The following THSD7A variants were observed in gnomAD, a reference collection of about 807,000 sequenced individuals.
THSD7A encodes thrombospondin type 1 domain containing 7A.
THSD7A carries 96 observed loss-of-function variants against 231.3 expected under a neutral mutation model. The ratio of observed to expected loss-of-function variants is 0.41; its 90% confidence interval spans 0.35 to 0.49. The LOEUF is 0.49. Among genes scored for constraint, THSD7A ranks in the 20% least tolerant of loss-of-function variants. The pLI, the probability that THSD7A is intolerant of heterozygous loss-of-function variation, is 0.05. For synonymous variants in THSD7A, 940 were observed against 743.3 expected, an observed-to-expected ratio of 1.26 and a Z score of -4.30; for missense variants, 2,290 against 2,070.2, an observed-to-expected ratio of 1.11 and a Z score of -2.06.
At chr7:11,500,908 T>A (rs1332370693) in intron 6 of THSD7A, among the ~76,000 whole-genome samples, 1 of 147,728 alleles carries the variant, frequency 6.8e-6, no homozygotes, top group African/African-American at 2.5e-5. Flanking sequence ...CACTCCAGCC[T>A]GGGTGACAGA....
intron 2 of THSD7A, among the ~76,000 whole-genome samples, chr7:11,629,647 T>C (rs1245609721): frequency 6.6e-6 from 1 of 152,174 alleles, no homozygotes; most frequent in Non-Finnish European, 1.5e-5. Flanking sequence ...TCAGGAACCA[T>C]ATAGCTCATC....
intron 2 of THSD7A, among the ~76,000 whole-genome samples, chr7:11,598,070 C>T (rs1257082849): frequency 6.6e-6 from 1 of 152,214 alleles, no homozygotes; most frequent in Non-Finnish European, 1.5e-5. Context: ...CCCTCAAGGA[C>T]AGCAGTGAAG....
rs187747286 is a variant in THSD7A, at chr7:11,638,332, T to C, written c.191-1371A>G. 5.5e-4 allele frequency among the ~76,000 whole-genome samples: 84 copies of C among 152,364 alleles called. 1 individual carries two copies. The highest frequency in any genetic ancestry group is 4.6e-3 in the East Asian group (24 of 5,184). The stretch of plus-strand genomic sequence containing the variant: ...ACCATTCTGGATTTTAGATTCCAGT[T>C]CCAACTTTTAGTTGTATGATTTCTC... On this transcript the variant is annotated intron_variant, in intron 1 of 27. Transcript: ENST00000423059.
chr7:11,567,587 C>G (rs1583990257), intron 4 of THSD7A, among the ~76,000 whole-genome samples: 1 of 152,166 alleles, frequency 6.6e-6, no homozygotes, highest in South Asian at 2.1e-4. Context: ...TAACTGGAAT[C>G]ACCTGGAGAG....
chr7:11,645,494 T>C (rs1782245285), intron 1 of THSD7A, among the ~76,000 whole-genome samples: 1 of 151,696 alleles, frequency 6.6e-6, no homozygotes, highest in Admixed American at 6.6e-5. Flanking sequence ...TCTTATAGAT[T>C]TATTTTATTT....
intron 1 of THSD7A, among the ~76,000 whole-genome samples, chr7:11,788,706 A>AAATAACTGT (rs1783862857): frequency 6.6e-6 from 1 of 152,000 alleles, no homozygotes; most frequent in Non-Finnish European, 1.5e-5. Context: ...GACTGCTTTT[A>AAATAACTGT]TTCAAATTTC....
chr7:11,704,009 C>G (rs530231612), intron 1 of THSD7A, among the ~76,000 whole-genome samples: 46 of 151,280 alleles, frequency 3.0e-4, no homozygotes, highest in Non-Finnish European at 6.1e-4. Flanking sequence ...ATTAGATTAT[C>G]ACTTAATTAG....
chr7:11,816,015 C>A (rs561078082), intron 1 of THSD7A, among the ~76,000 whole-genome samples: 1 of 152,174 alleles, frequency 6.6e-6, no homozygotes, highest in African/African-American at 2.4e-5. Context: ...AACTGCTTAT[C>A]TTTCAAACTT....
rs914579975 is a variant in THSD7A at position 11,444,708 on chromosome 7, A to G, written c.3064+1353T>C. 2.0e-5 allele frequency among the ~76,000 whole-genome samples: 3 copies of G among 151,554 alleles called. No homozygotes were observed. The highest frequency in any genetic ancestry group is 4.4e-5 in the Non-Finnish European group (3 of 67,906). On this transcript the variant is annotated intron_variant, in intron 13 of 27. Transcript: ENST00000423059. This position sits in a 1 kb window ranked among gnomAD's most constrained non-coding sequence, Gnocchi z 4.2. ...TGGTACGTGTATACCTATGTTGCAAACCTGCACTTTCTGTACATGTATCCC... is the reference window on the plus strand; with the variant it reads ...TGGTACGTGTATACCTATGTTGCAAGCCTGCACTTTCTGTACATGTATCCC...
intron 13 of THSD7A, among the ~76,000 whole-genome samples, chr7:11,441,803 G>A (rs1207595114): frequency 6.6e-6 from 1 of 151,902 alleles, no homozygotes. Context: ...CAGAAGGGAG[G>A]GGAACATCAC....
chr7:11,721,356 G>C (rs771181909), intron 1 of THSD7A, among the ~76,000 whole-genome samples: 65 of 151,858 alleles, frequency 4.3e-4, no homozygotes, highest in Admixed American at 1.3e-3. Flanking sequence ...CAGTGAGTGA[G>C]TTCTCATGAA....
At chr7:11,635,705 AG>A (rs1186508056) in intron 2 of THSD7A, among the ~76,000 whole-genome samples, 4 of 152,116 alleles carry the variant, frequency 2.6e-5, no homozygotes, top group Non-Finnish European at 5.9e-5. Context: ...TTTTGTTTAT[AG>A]GGTAATTCTG....
intron 1 of THSD7A, among the ~76,000 whole-genome samples, chr7:11,815,156 A>G (rs1443651399): frequency 6.6e-6 from 1 of 151,790 alleles, no homozygotes; most frequent in Non-Finnish European, 1.5e-5. Flanking sequence ...AAGACCTGAT[A>G]TGATTGTCAA....
At chr7:11,821,153 GT>G in intron 1 of THSD7A, 1 of 1,120,384 alleles carries the variant, frequency 8.9e-7, no homozygotes, top group Non-Finnish European at 1.4e-6. Flanking sequence ...TTAGTAAAGT[GT>G]TTATGTAATG....
intron 1 of THSD7A, among the ~76,000 whole-genome samples, chr7:11,719,776 A>G (rs1276248466): frequency 6.6e-6 from 1 of 151,740 alleles, no homozygotes; most frequent in Non-Finnish European, 1.5e-5. Context: ...GTTCTTCCAT[A>G]TTAACAGGGC....
At chr7:11,828,501 A>T (rs1473183466) in intron 1 of THSD7A, among the ~76,000 whole-genome samples, 1 of 152,104 alleles carries the variant, frequency 6.6e-6, no homozygotes, top group Non-Finnish European at 1.5e-5. Context: ...TGTTCTGTTC[A>T]TGTGTATGGT....
At chr7:11,502,714 C>G (rs1330885432) in intron 6 of THSD7A, among the ~76,000 whole-genome samples, 1 of 152,042 alleles carries the variant, frequency 6.6e-6, no homozygotes, top group African/African-American at 2.4e-5. Context: ...ACAATTGCCA[C>G]ACACACACAA....
chr7:11,791,481 G>A (rs1783950753), intron 1 of THSD7A, among the ~76,000 whole-genome samples: 1 of 151,994 alleles, frequency 6.6e-6, no homozygotes, highest in African/African-American at 2.4e-5. Flanking sequence ...AAGGAAAGTT[G>A]TAGTTTCCCA....
chr7:11,733,396 T>C (rs1379753738), intron 1 of THSD7A, among the ~76,000 whole-genome samples: 2 of 151,842 alleles, frequency 1.3e-5, no homozygotes, highest in African/African-American at 4.8e-5. Flanking sequence ...ATGTTAAAAA[T>C]CCAGAAAATA....
Sources: gnomAD v4.1 joint callset for allele counts (sites outside exome capture counted in the v4.1 genomes callset) on GRCh38, gnomAD v4.1.1 for gene constraint, Gnocchi (gnomAD v3.1) non-coding constraint, MANE v1.5 for transcripts, NCBI Gene and HGNC (gene_info 2026-07-23, HGNC 2026-07-21) for gene names.